Variants in SEMA3A observed in about 807,000 individuals in gnomAD.
SEMA3A encodes the protein semaphorin 3A.
In SEMA3A, 29 loss-of-function variants were observed where a neutral mutation model predicts 97.9. That is an observed-to-expected ratio of 0.30 (90% CI 0.22 to 0.40). The LOEUF (loss-of-function observed/expected upper bound fraction) is 0.40. SEMA3A is among the 10% of genes least tolerant of loss of function. The pLI, the probability that SEMA3A is intolerant of heterozygous loss-of-function variation, is 1.00. For synonymous variants in SEMA3A, 321 were observed against 323.7 expected (o/e 0.99, Z 0.09); for missense variants, 763 against 951.3 (o/e 0.80, Z 2.60).
At chr7:83,981,191 C>T in intron 14 of SEMA3A, 130 bp downstream of exon 14, 3 of 951,698 alleles carry the variant, frequency 3.2e-6, no homozygotes, top group South Asian at 3.1e-5. Context: ...CAACAATCCC[C>T]TCCATCTGCT....
intron 1 of SEMA3A, among the ~76,000 whole-genome samples, chr7:84,374,969 C>T (rs1803061929): frequency 6.6e-6 from 1 of 152,054 alleles, no homozygotes; most frequent in Admixed American, 6.6e-5. Context: ...ATGTTTGAAG[C>T]ATAAATTGGT....
intron 1 of SEMA3A, among the ~76,000 whole-genome samples, chr7:84,160,237 CTATCTAT>C (rs1198474204): frequency 2.7e-5 from 2 of 72,822 alleles, no homozygotes. Context: ...ATCTATCTAT[CTATCTAT>C]CTATCTATCT....
intron 2 of SEMA3A, among the ~76,000 whole-genome samples, chr7:84,368,303 T>C (rs1369592523): frequency 2.6e-5 from 4 of 151,216 alleles, no homozygotes; most frequent in Admixed American, 2.0e-4. Context: ...TTATTTTGTA[T>C]GCAATCCAGT....
intron 12 of SEMA3A, among the ~76,000 whole-genome samples, chr7:83,991,649 G>T (rs28873701): frequency 1.3e-5 from 2 of 151,804 alleles, no homozygotes; most frequent in Non-Finnish European, 2.9e-5. Flanking sequence ...TTGAACCAGC[G>T]TTGCATCCCA....
intron 2 of SEMA3A, among the ~76,000 whole-genome samples, chr7:84,321,799 C>T (rs1407071737): frequency 1.2e-4 from 16 of 134,604 alleles, no homozygotes; most frequent in South Asian, 2.6e-4. Flanking sequence ...TCGTGTGAAC[C>T]GGGGAGGCAG....
At chr7:84,428,118 CA>C (rs1414285671) in intron 1 of SEMA3A, among the ~76,000 whole-genome samples, 2 of 151,962 alleles carry the variant, frequency 1.3e-5, no homozygotes, top group African/African-American at 4.8e-5. Flanking sequence ...CATATGCTAC[CA>C]ATGCAAATTA....
At chr7:84,147,599 G>A (rs180944513) in intron 1 of SEMA3A, among the ~76,000 whole-genome samples, 2 of 152,080 alleles carry the variant, frequency 1.3e-5, no homozygotes, top group Non-Finnish European at 2.9e-5. Context: ...TGTGGCTGGC[G>A]GCAGAAATTA....
intron 6 of SEMA3A, among the ~76,000 whole-genome samples, chr7:84,019,731 A>AG (rs1216702777): frequency 2.0e-5 from 3 of 151,716 alleles, no homozygotes; most frequent in African/African-American, 7.3e-5. Context: ...CTATCAAATA[A>AG]AAAAAATAGA....
At chr7:84,235,272 G>T (rs1385654646) in intron 3 of SEMA3A, among the ~76,000 whole-genome samples, 1 of 151,874 alleles carries the variant, frequency 6.6e-6, no homozygotes. Flanking sequence ...ATATTTTTCT[G>T]TATTACTGAG....
chr7:84,334,170 C>T (rs1021439701), intron 2 of SEMA3A, among the ~76,000 whole-genome samples: 1 of 151,924 alleles, frequency 6.6e-6, no homozygotes, highest in African/African-American at 2.4e-5. Context: ...CGGAATTGAT[C>T]TTTTTAAGAG....
At position 83,959,006 on chromosome 7, in the gene SEMA3A, CTG is replaced by C. The variant is rs1272335098; in HGVS notation, c.*2363_*2364del. On this transcript the variant is annotated 3_prime_UTR_variant, in exon 17 of 17. Transcript: ENST00000265362. ...CAATACACATGGGCAGAGATTATGA[CTG>C]TAATGAGTTATCTGCAAGTTATATC... The C allele has an allele frequency of 1.3e-5, 2 of 151,978 alleles. No individual in the cohort carries two copies. The highest frequency in any genetic ancestry group is 4.8e-5 in the African/African-American group (2 of 41,426). 9.4% of individuals were successfully genotyped at this position (151,978 alleles called of 1,614,324 possible).
At chr7:84,394,138 A>G (rs923140419) in intron 1 of SEMA3A, among the ~76,000 whole-genome samples, 8 of 150,720 alleles carry the variant, frequency 5.3e-5, no homozygotes, top group African/African-American at 2.0e-4. Context: ...AAGGATTAGG[A>G]AAAATAGCAG....
chr7:84,429,472 C>T (rs1313149018), intron 1 of SEMA3A, among the ~76,000 whole-genome samples: 6 of 128,340 alleles, frequency 4.7e-5, no homozygotes, highest in South Asian at 2.5e-4. Flanking sequence ...TATTATGTAA[C>T]GTGGTTAAAT....
At chr7:83,989,921 TA>T (rs1242002731) in intron 12 of SEMA3A, among the ~76,000 whole-genome samples, 3 of 151,370 alleles carry the variant, frequency 2.0e-5, no homozygotes, top group Non-Finnish European at 3.0e-5. Flanking sequence ...AGAACTAGTT[TA>T]CAGTCCCACC....
At chr7:84,078,852 T>C (rs908331799) in intron 4 of SEMA3A, among the ~76,000 whole-genome samples, 1 of 152,032 alleles carries the variant, frequency 6.6e-6, no homozygotes, top group Non-Finnish European at 1.5e-5. Flanking sequence ...CTAAATTAAG[T>C]GTTGAACTGT....
intron 12 of SEMA3A, among the ~76,000 whole-genome samples, chr7:83,996,353 A>G (rs1790219509): frequency 7.7e-6 from 1 of 129,880 alleles, no homozygotes; most frequent in South Asian, 2.4e-4. Flanking sequence ...CTCAGGCTGG[A>G]GTGCAGTGGT....
At chr7:84,057,660 G>A (rs1313117345) in intron 5 of SEMA3A, among the ~76,000 whole-genome samples, 2 of 152,096 alleles carry the variant, frequency 1.3e-5, no homozygotes, top group East Asian at 1.9e-4. Flanking sequence ...AGCTACTCAG[G>A]AGGCTGAGGT....
chr7:84,338,198 A>G (rs929511634), intron 2 of SEMA3A, among the ~76,000 whole-genome samples: 6 of 151,566 alleles, frequency 4.0e-5, no homozygotes, highest in South Asian at 2.1e-4. Flanking sequence ...ATAGTGGAAA[A>G]TGTTCCATAT....
intron 1 of SEMA3A, among the ~76,000 whole-genome samples, chr7:84,146,350 C>T (rs1334690967): frequency 6.6e-6 from 1 of 152,022 alleles, no homozygotes; most frequent in Non-Finnish European, 1.5e-5. Flanking sequence ...TACATGACTT[C>T]GCCATTAACA....
Sources: gnomAD v4.1 joint callset for allele counts (sites outside exome capture counted in the v4.1 genomes callset) on GRCh38, gnomAD v4.1.1 for gene constraint, MANE v1.5 for transcripts, NCBI Gene and HGNC (gene_info 2026-07-23, HGNC 2026-07-21) for gene names.